Variants in TNFRSF11A observed in about 807,000 individuals in gnomAD.
The protein encoded by TNFRSF11A is TNF receptor superfamily member 11a.
In TNFRSF11A, 32 loss-of-function variants were observed where a neutral mutation model predicts 55.7. That is an observed-to-expected ratio of 0.57 (90% CI 0.43 to 0.77). The LOEUF (loss-of-function observed/expected upper bound fraction) is 0.77, where lower values mean the gene tolerates loss of function less well. TNFRSF11A is among the 30% of genes least tolerant of loss of function. TNFRSF11A has a pLI of 0.00. For missense variants in TNFRSF11A, 753 were observed against 809.8 expected (o/e 0.93, Z 0.85); for synonymous variants, 311 against 331.0 (o/e 0.94, Z 0.65).
intron 4 of TNFRSF11A, among the ~76,000 whole-genome samples, chr18:62,354,935 G>A (rs2145311009): frequency 6.6e-6 from 1 of 152,282 alleles, no homozygotes; most frequent in East Asian, 1.9e-4. Flanking sequence ...ACGTTTTTAA[G>A]TTGACATCTA....
At chr18:62,345,375 T>C (rs963524800) in intron 1 of TNFRSF11A, among the ~76,000 whole-genome samples, 7 of 152,242 alleles carry the variant, frequency 4.6e-5, no homozygotes, top group African/African-American at 1.7e-4. Flanking sequence ...TATGTACTTA[T>C]GTTGCATTTT....
chr18:62,327,881 A>G (rs909769306), intron 1 of TNFRSF11A, among the ~76,000 whole-genome samples: 5 of 152,248 alleles, frequency 3.3e-5, no homozygotes, highest in African/African-American at 9.6e-5. Flanking sequence ...TTCAGATAGA[A>G]TAAAACTATT....
intron 1 of TNFRSF11A, among the ~76,000 whole-genome samples, chr18:62,344,966 G>A (rs2046361970): frequency 6.6e-6 from 1 of 152,232 alleles, no homozygotes; most frequent in Non-Finnish European, 1.5e-5. Flanking sequence ...ACAGAGTCTG[G>A]GGATCAGGAG....
intron 3 of TNFRSF11A, among the ~76,000 whole-genome samples, chr18:62,352,192 A>G (rs1458054230): frequency 6.6e-6 from 1 of 152,238 alleles, no homozygotes; most frequent in Admixed American, 6.5e-5. Context: ...TTCCATGCTT[A>G]GCTTGCACAA....
intron 9 of TNFRSF11A, among the ~76,000 whole-genome samples, chr18:62,371,017 A>T (rs1260725290): frequency 6.6e-6 from 1 of 151,980 alleles, no homozygotes; most frequent in Non-Finnish European, 1.5e-5. Flanking sequence ...TTCAGTAAAG[A>T]TGGGGTTTTT....
chr18:62,330,021 C>T (rs1169858256), intron 1 of TNFRSF11A, among the ~76,000 whole-genome samples: 4 of 152,352 alleles, frequency 2.6e-5, no homozygotes, highest in African/African-American at 9.6e-5. Flanking sequence ...TGGGTCACTG[C>T]TTGCAGGCCA....
chr18:62,339,165 C>T (rs2046276509), intron 1 of TNFRSF11A, among the ~76,000 whole-genome samples: 1 of 152,178 alleles, frequency 6.6e-6, no homozygotes, highest in Non-Finnish European at 1.5e-5. Context: ...CCTTCTACAA[C>T]TCACTGACTA....
Position 62,362,490 on chromosome 18 carries a change from C to CAA in TNFRSF11A, c.730+719_730+720dup, listed in dbSNP as rs57219485. Among the ~76,000 whole-genome samples, 373 of 75,522 alleles carry CAA rather than the reference C, an allele frequency of 4.9e-3. 1 individual carries two copies. Among genetic ancestry groups the CAA allele is most frequent in the East Asian group, 0.01 (20 of 1,906 alleles). 49.5% of individuals were successfully genotyped at this position (75,522 alleles called of 152,430 possible). A position where few individuals can be genotyped will look rare whatever the true frequency, so the allele number is the denominator to read the frequency against. On this transcript the variant is annotated intron_variant, in intron 7 of 9. Transcript: ENST00000586569. ...GGACAACAAGAGCAAAACTTCATCTCAAAAAAAAAAAAAAAAAAAAAAAGA... is the reference window on the plus strand; with the variant it reads ...GGACAACAAGAGCAAAACTTCATCTCAAAAAAAAAAAAAAAAAAAAAAAAAGA...
intron 7 of TNFRSF11A, among the ~76,000 whole-genome samples, chr18:62,366,400 G>A (rs1324833703): frequency 1.3e-5 from 2 of 152,184 alleles, no homozygotes; most frequent in Non-Finnish European, 2.9e-5. Context: ...AGTAGCAGAT[G>A]TGCAGGATGA....
chr18:62,360,687 T>C (rs1909619738), intron 6 of TNFRSF11A, among the ~76,000 whole-genome samples: 1 of 152,140 alleles, frequency 6.6e-6, no homozygotes, highest in Admixed American at 6.6e-5. Flanking sequence ...CCCCAGGTGA[T>C]CTGCCCGCCT....
Position 62,385,304 on chromosome 18 carries a change from T to G in TNFRSF11A, c.*270T>G. The G allele has an allele frequency of 6.1e-6, 2 of 328,252 alleles. No homozygotes were observed. The highest frequency in any genetic ancestry group is 5.4e-6 in the Non-Finnish European group (1 of 185,196). 20.3% of individuals were successfully genotyped at this position (328,252 alleles called of 1,614,324 possible). A position where few individuals can be genotyped will look rare whatever the true frequency, so the allele number is the denominator to read the frequency against. ...TCCTCAAACTCGCAGCAGTAATTTG[T>G]GGCACTATGACAGCTATTTTTATGA... On this transcript the variant is annotated 3_prime_UTR_variant, in exon 10 of 10. Transcript: ENST00000586569.
At chr18:62,360,169 G>A (rs1909571789) in intron 6 of TNFRSF11A, 120 bp downstream of exon 6, 4 of 732,884 alleles carry the variant, frequency 5.5e-6, no homozygotes, top group Non-Finnish European at 9.9e-6. Flanking sequence ...TTCATCCCGT[G>A]CATGGTCAGC....
chr18:62,350,657 G>T (rs529189400), intron 3 of TNFRSF11A, among the ~76,000 whole-genome samples: 2 of 152,176 alleles, frequency 1.3e-5, no homozygotes, highest in Non-Finnish European at 2.9e-5. Flanking sequence ...AGGTTAACAC[G>T]TGTGAAGCAG....
chr18:62,365,164 G>A (rs1180241387), intron 7 of TNFRSF11A, among the ~76,000 whole-genome samples: 1 of 151,998 alleles, frequency 6.6e-6, no homozygotes, highest in African/African-American at 2.4e-5. Context: ...GTTTCACCAT[G>A]TTGCCCAAGC....
chr18:62,330,405 C>T (rs1055625394), intron 1 of TNFRSF11A, among the ~76,000 whole-genome samples: 26 of 152,088 alleles, frequency 1.7e-4, no homozygotes, highest in East Asian at 7.7e-4. Context: ...CTTTGTCTGG[C>T]GGTGAGAACA....
chr18:62,361,400 G>A (rs1909670318), intron 6 of TNFRSF11A, among the ~76,000 whole-genome samples: 1 of 152,172 alleles, frequency 6.6e-6, no homozygotes, highest in Admixed American at 6.5e-5. Context: ...GTGATGTGGT[G>A]AGCATGATGA....
At chr18:62,358,897 G>C (rs1909467723) in intron 5 of TNFRSF11A, among the ~76,000 whole-genome samples, 1 of 152,020 alleles carries the variant, frequency 6.6e-6, no homozygotes, top group African/African-American at 2.4e-5. Flanking sequence ...GTTCTTTATT[G>C]ATAGTCATTT....
intron 6 of TNFRSF11A, among the ~76,000 whole-genome samples, chr18:62,361,164 A>G (rs1222979945): frequency 6.6e-6 from 1 of 152,210 alleles, no homozygotes; most frequent in Non-Finnish European, 1.5e-5. Context: ...GATTCTAGCA[A>G]TGAAGTGATC....
chr18:62,330,779 G>A (rs1227770178), intron 1 of TNFRSF11A: 3 of 152,544 alleles, frequency 2.0e-5, no homozygotes, highest in Non-Finnish European at 4.4e-5. Flanking sequence ...AAGGACGGAT[G>A]TGGCTGGTTA....
Sources: allele counts gnomAD v4.1 joint callset (sites outside exome capture counted in the v4.1 genomes callset), GRCh38; gene constraint gnomAD v4.1.1; transcripts MANE v1.5; gene names NCBI Gene and HGNC (gene_info 2026-07-23, HGNC 2026-07-21).